PDE1C: variants seen among roughly 807,000 people sequenced by gnomAD.
The protein encoded by PDE1C is phosphodiesterase 1C.
A neutral mutation model predicts 93.1 loss-of-function variants in PDE1C; 62 were observed. That is an observed-to-expected ratio of 0.67 (90% CI 0.54 to 0.82). PDE1C has a LOEUF of 0.82. Ranked by LOEUF, PDE1C falls within the 40% of genes least tolerant of loss-of-function variation. PDE1C has a pLI of 0.00. For synonymous variants in PDE1C, 325 were observed against 310.1 expected, an observed-to-expected ratio of 1.05 and a Z score of -0.50; for missense variants, 742 against 884.6, an observed-to-expected ratio of 0.84 and a Z score of 2.04.
chr7:32,185,670 A>C (rs1373847088), intron 2 of PDE1C, among the ~76,000 whole-genome samples: 1 of 152,106 alleles, frequency 6.6e-6, no homozygotes, highest in Non-Finnish European at 1.5e-5. Flanking sequence ...ACATATTAAT[A>C]TTTTTGAGTA....
the PDE1C span, among the ~76,000 whole-genome samples, chr7:31,676,087 A>G: frequency 6.6e-6 from 1 of 152,192 alleles, no homozygotes; most frequent in African/African-American, 2.4e-5. Flanking sequence ...GTAGGCCCCT[A>G]CAGATGCTCC....
At chr7:31,956,378 C>G (rs1808147287) in intron 2 of PDE1C, among the ~76,000 whole-genome samples, 1 of 152,096 alleles carries the variant, frequency 6.6e-6, no homozygotes, top group Non-Finnish European at 1.5e-5. Flanking sequence ...AGGTGTGAGC[C>G]ACTGCACCCA....
intron 1 of PDE1C, among the ~76,000 whole-genome samples, chr7:32,404,264 C>T (rs1231661120): frequency 6.6e-6 from 1 of 152,216 alleles, no homozygotes; most frequent in African/African-American, 2.4e-5. Context: ...GTGACTGCCA[C>T]AGAGCAAGCC....
the PDE1C span, among the ~76,000 whole-genome samples, chr7:31,673,201 T>C: frequency 6.6e-6 from 1 of 152,192 alleles, no homozygotes; most frequent in Non-Finnish European, 1.5e-5. Context: ...ACTGTTGGCA[T>C]AGGGAAGCTG....
intron 17 of PDE1C, among the ~76,000 whole-genome samples, chr7:31,755,794 T>C (rs1794426652): frequency 6.6e-6 from 1 of 152,200 alleles, no homozygotes; most frequent in South Asian, 2.1e-4. Context: ...ATAATTTATA[T>C]ACATATGCCT....
In PDE1C at chr7:32,420,122, T is replaced by TACAC. The variant is rs1210571351; in HGVS notation, c.310+7699_310+7700insGTGT. ...ATATATATATATATATATATATATA[T>TACAC]ATACACACACACACACACACACACA... On this transcript the variant is annotated intron_variant, in intron 1 of 1. Transcript: ENST00000672256. Among the ~76,000 whole-genome samples the TACAC allele has an allele frequency of 1.5e-4, 3 of 19,564 alleles. 1 individual carries two copies. Among genetic ancestry groups the TACAC allele is most frequent in the African/African-American group, 4.5e-4 (3 of 6,650 alleles). The allele number at this position is 19,564 out of a possible 152,430, so 12.8% of individuals were successfully genotyped here.
the PDE1C span, among the ~76,000 whole-genome samples, chr7:31,649,367 G>C: frequency 6.6e-6 from 1 of 152,108 alleles, no homozygotes; most frequent in Non-Finnish European, 1.5e-5. Flanking sequence ...GGTCTCCATG[G>C]AAGGAGGAAG....
intron 2 of PDE1C, among the ~76,000 whole-genome samples, chr7:31,964,397 T>A (rs1372186987): frequency 6.6e-6 from 1 of 152,272 alleles, no homozygotes; most frequent in Admixed American, 6.5e-5. Context: ...AAGGCAGCAG[T>A]GAGGCTGGGG....
chr7:31,621,689 C>G, the PDE1C span, among the ~76,000 whole-genome samples: 18 of 146,702 alleles, frequency 1.2e-4, no homozygotes, highest in African/African-American at 3.1e-4. Context: ...TAGCAATAAA[C>G]TGCATCAACT....
At chr7:31,647,673 C>CAAAAAAA in the PDE1C span, among the ~76,000 whole-genome samples, 1 of 69,340 alleles carries the variant, frequency 1.4e-5, no homozygotes, top group East Asian at 4.8e-4. Context: ...GTCTCCGTCT[C>CAAAAAAA]AAAAAAAAAA....
At chr7:31,730,208 C>T in the PDE1C span, among the ~76,000 whole-genome samples, 5 of 152,102 alleles carry the variant, frequency 3.3e-5, no homozygotes, top group African/African-American at 1.2e-4. Context: ...GGTAGTTCAC[C>T]AATAGATACT....
intron 2 of PDE1C, among the ~76,000 whole-genome samples, chr7:31,987,306 T>C (rs1783540140): frequency 6.6e-6 from 1 of 152,098 alleles, no homozygotes; most frequent in South Asian, 2.1e-4. Flanking sequence ...GAGATGCAAA[T>C]GTGATGTGCA....
intron 1 of PDE1C, among the ~76,000 whole-genome samples, chr7:32,277,328 T>G (rs1449600277): frequency 6.6e-6 from 1 of 152,224 alleles, no homozygotes; most frequent in Non-Finnish European, 1.5e-5. Flanking sequence ...CATACATGAA[T>G]AGTTTCTTTA....
the PDE1C span, among the ~76,000 whole-genome samples, chr7:31,668,770 A>G: frequency 1.3e-5 from 2 of 151,302 alleles, no homozygotes; most frequent in African/African-American, 2.4e-5. Flanking sequence ...ATGGTTGCAC[A>G]ATTCTGTAAC....
At chr7:32,179,308 G>A (rs548164347) in intron 2 of PDE1C, among the ~76,000 whole-genome samples, 154 of 143,052 alleles carry the variant, frequency 1.1e-3, no homozygotes, top group African/African-American at 3.4e-3. Context: ...CACCCAGGCC[G>A]GAGTGCAGTG....
At chr7:31,658,285 G>A in the PDE1C span, 2 of 1,504,206 alleles carry the variant, frequency 1.3e-6, no homozygotes, top group Non-Finnish European at 8.8e-7. Context: ...ATTATTGTCT[G>A]CAGAGCTGGA....
chr7:32,293,499 C>T (rs1812461004), intron 1 of PDE1C, among the ~76,000 whole-genome samples: 1 of 152,278 alleles, frequency 6.6e-6, no homozygotes, highest in South Asian at 2.1e-4. Context: ...ATTTGGAGGG[C>T]ATTTTAGAGT....
intron 2 of PDE1C, among the ~76,000 whole-genome samples, chr7:32,015,445 T>G (rs1159800482): frequency 6.6e-6 from 1 of 152,112 alleles, no homozygotes; most frequent in Non-Finnish European, 1.5e-5. Flanking sequence ...GTTAAGGGAC[T>G]ACAAGTAATC....
At chr7:31,894,772 G>C (rs936945384) in intron 2 of PDE1C, among the ~76,000 whole-genome samples, 1 of 152,160 alleles carries the variant, frequency 6.6e-6, no homozygotes, top group African/African-American at 2.4e-5. Context: ...ACAGAGAAGA[G>C]TATGTTGTGT....
Sources: allele counts gnomAD v4.1 joint callset (sites outside exome capture counted in the v4.1 genomes callset), GRCh38; gene constraint gnomAD v4.1.1; transcripts MANE v1.5; gene names NCBI Gene and HGNC (gene_info 2026-07-23, HGNC 2026-07-21).